Variants in DDX46 observed in about 807,000 individuals in gnomAD.
DDX46 encodes the protein DEAD-box helicase 46.
DDX46 carries 30 observed loss-of-function variants against 134.9 expected under a neutral mutation model. The ratio of observed to expected loss-of-function variants is 0.22; its 90% CI spans 0.17 to 0.30. DDX46 has a LOEUF of 0.30. Ranked by LOEUF, DDX46 falls within the 10% of genes least tolerant of loss-of-function variation. The probability of loss-of-function intolerance (pLI) is 1.00; values close to 1 mark genes in which losing one functional copy is unlikely to be tolerated. For missense variants in DDX46, 622 were observed against 1,248.7 expected, an observed-to-expected ratio of 0.50 and a Z score of 7.56; for synonymous variants, 415 against 404.1, an observed-to-expected ratio of 1.03 and a Z score of -0.32.
At chr5:134,773,459 T>C (rs1753836386) in intron 4 of DDX46, among the ~76,000 whole-genome samples, 1 of 152,216 alleles carries the variant, frequency 6.6e-6, no homozygotes, top group African/African-American at 2.4e-5. Flanking sequence ...TTGAAATCTA[T>C]CTTTTGGCTT....
Position 134,803,694 on chromosome 5 carries a change from C to G in DDX46, c.1955-4054C>G, listed in dbSNP as rs559847294. Among the ~76,000 whole-genome samples the G allele has an allele frequency of 9.2e-5, 14 of 152,196 alleles. No homozygotes were observed. In the South Asian group the frequency reaches 2.9e-3, roughly 32 times the overall value. Reference sequence around the variant, plus strand: ...GCTCTCTGGTGTCTTTACGTAGTTGCTCTTTATTTTGCCCAGAGTTCATGG... The same window carrying G: ...GCTCTCTGGTGTCTTTACGTAGTTGGTCTTTATTTTGCCCAGAGTTCATGG... On this transcript the variant is annotated intron_variant, in intron 15 of 22. Coordinates refer to ENST00000452510, the MANE Select transcript of DDX46 (RefSeq NM_001300860.2).
intron 13 of DDX46, 40 bp downstream of exon 13, chr5:134,790,592 T>C (rs760067551): frequency 5.8e-6 from 9 of 1,544,064 alleles, no homozygotes; most frequent in Non-Finnish European, 8.0e-6. Context: ...AATGTAAATA[T>C]AACTTTGTAG....
intron 18 of DDX46, among the ~76,000 whole-genome samples, chr5:134,812,764 A>G (rs922234023): frequency 6.6e-6 from 1 of 151,992 alleles, no homozygotes; most frequent in Non-Finnish European, 1.5e-5. Context: ...CAGCCTCCCT[A>G]GTAGCTGGGA....
At chr5:134,789,239 G>A (rs1421953668) in intron 12 of DDX46, 2 of 152,032 alleles carry the variant, frequency 1.3e-5, no homozygotes, top group African/African-American at 4.8e-5. Flanking sequence ...TATAGAACTG[G>A]GCTTCCGAGA....
At chr5:134,806,815 C>A (rs1755002008) in intron 15 of DDX46, among the ~76,000 whole-genome samples, 1 of 152,124 alleles carries the variant, frequency 6.6e-6, no homozygotes, top group Admixed American at 6.5e-5. Context: ...TTCCTGGGAA[C>A]CTCATCATAA....
intron 15 of DDX46, among the ~76,000 whole-genome samples, chr5:134,796,916 C>T (rs1220069630): frequency 6.6e-6 from 1 of 150,482 alleles, no homozygotes; most frequent in African/African-American, 2.4e-5. Flanking sequence ...CTTTGAGAGG[C>T]TGAGGCGGGC....
chr5:134,821,745 T>G (rs1312963348), intron 21 of DDX46, among the ~76,000 whole-genome samples: 1 of 150,126 alleles, frequency 6.7e-6, no homozygotes, highest in Admixed American at 6.6e-5. Flanking sequence ...TTAGTAGACA[T>G]GGGGTTTCAC....
chr5:134,783,146 C>T (rs1754208015), intron 9 of DDX46, 81 bp downstream of exon 9: 1 of 1,492,522 alleles, frequency 6.7e-7, no homozygotes, highest in Non-Finnish European at 9.0e-7. Flanking sequence ...CCCTGAGTTA[C>T]ATTTTTACTC....
intron 15 of DDX46, chr5:134,797,195 A>C (rs1411556651): frequency 1.0e-5 from 3 of 287,438 alleles, no homozygotes; most frequent in Non-Finnish European, 2.0e-5. Flanking sequence ...AAAAAAAAAA[A>C]AACACAAAAC....
At chr5:134,813,813 C>T (rs1412147648) in intron 18 of DDX46, among the ~76,000 whole-genome samples, 3 of 150,962 alleles carry the variant, frequency 2.0e-5, no homozygotes, top group Non-Finnish European at 3.0e-5. Flanking sequence ...TTTTTAGAGT[C>T]GAGGTCTCAC....
In DDX46 at chr5:134,777,740, A is replaced by C; in HGVS notation, c.765+15A>C. On this transcript the variant is annotated intron_variant, in intron 6 of 22. Coordinates refer to ENST00000452510, the MANE Select transcript of DDX46 (RefSeq NM_001300860.2). ...GAAATGAAAAGGTATGGAATTTCTT[A>C]TTTTTAAAGATTTCCGTTTCCTCTT... 1 of 1,587,912 alleles carries C rather than the reference A, an allele frequency of 6.3e-7. No homozygotes were observed. The highest frequency in any genetic ancestry group is 8.5e-7 in the Non-Finnish European group (1 of 1,171,292).
chr5:134,822,034 T>C lies in DDX46; in HGVS notation c.2977+3030T>C, dbSNP rs963433510. Among the ~76,000 whole-genome samples the C allele has an allele frequency of 4.6e-5, 7 of 151,544 alleles. 1 individual carries two copies. The highest frequency in any genetic ancestry group is 1.7e-4 in the African/African-American group (7 of 41,244). On this transcript the variant is annotated intron_variant, in intron 21 of 22. Coordinates refer to ENST00000452510, the MANE Select transcript of DDX46 (RefSeq NM_001300860.2). Reference sequence around the variant, plus strand: ...CCTCCCTAGTAGCTGGGATTACAGATGCATGCCTGGCTAATTTTATTTTTA... The same window carrying C: ...CCTCCCTAGTAGCTGGGATTACAGACGCATGCCTGGCTAATTTTATTTTTA...
intron 3 of DDX46, among the ~76,000 whole-genome samples, chr5:134,768,064 A>G (rs577849436): frequency 1.3e-5 from 2 of 152,138 alleles, no homozygotes; most frequent in South Asian, 4.2e-4. Context: ...ATCCATACAC[A>G]TGGTAATTTG....
chr5:134,785,431 G>T, intron 10 of DDX46, 34 bp from the exon 11 acceptor site: 1 of 1,598,568 alleles, frequency 6.3e-7, no homozygotes, highest in South Asian at 1.1e-5. Context: ...TAAGAATTTT[G>T]GTGGTTAGGC....
At position 134,784,594 on chromosome 5, in the gene DDX46, A is replaced by C; in HGVS notation, c.1342+53A>C. ...TCAAATAACAGCTTTGTTGTCAAAC[A>C]GAAAGACCTTATAGTTTATAATGTT... On this transcript the variant is annotated intron_variant, in intron 10 of 22. Coordinates refer to ENST00000452510, the MANE Select transcript of DDX46 (RefSeq NM_001300860.2). 3 of 1,515,230 alleles carry C rather than the reference A, an allele frequency of 2.0e-6. No individual in the cohort carries two copies. The Admixed American group carries it at 6.3e-5, about 32-fold the overall frequency. The allele number at this position is 1,515,230 out of a possible 1,614,324, so 93.9% of individuals were successfully genotyped here.
At position 134,777,679 on chromosome 5, in the gene DDX46, A is replaced by G; in HGVS notation, c.719A>G (p.Lys240Arg). 2 of 1,613,298 alleles carry G rather than the reference A, an allele frequency of 1.2e-6. No homozygotes were observed. Among genetic ancestry groups the G allele is most frequent in the Non-Finnish European group, 1.7e-6 (2 of 1,179,832 alleles). ...ATGGAAGAAGTGAAAGAGGAAGTAAAAAAATTTAACATGAGAAGTGTAAAA... is the reference window on the plus strand; with the variant it reads ...ATGGAAGAAGTGAAAGAGGAAGTAAGAAAATTTAACATGAGAAGTGTAAAA... ...AYMEEVKEEVKKFNMRSVKGG... is the reference protein window; with the variant it reads ...AYMEEVKEEVRKFNMRSVKGG... Residue 240 changes from lysine (K) to arginine (R), a missense_variant, in exon 6 of 23, where the codon AAA (lysine) becomes AGA (arginine). Lys to Arg is a conservative substitution (Grantham distance 26). This residue lies in a region of DDX46 where 244 missense variants were observed against 349.3 expected (regional missense o/e 0.70). Coordinates refer to ENST00000452510, the MANE Select transcript of DDX46 (RefSeq NM_001300860.2).
intron 20 of DDX46, 136 bp from the exon 21 acceptor site, chr5:134,818,722 AAT>A (rs1055449844): frequency 2.2e-4 from 112 of 499,340 alleles, no homozygotes; most frequent in Middle Eastern, 5.9e-4. Flanking sequence ...AAAAAAAAAG[AAT>A]ATATATATAT....
intron 15 of DDX46, among the ~76,000 whole-genome samples, 161 bp from the exon 16 acceptor site, chr5:134,807,587 C>T (rs1456109557): frequency 6.6e-6 from 1 of 152,154 alleles, no homozygotes; most frequent in African/African-American, 2.4e-5. Context: ...GAGTTAATAG[C>T]AATAACCTTT....
intron 12 of DDX46, 194 bp from the exon 13 acceptor site, chr5:134,790,275 GA>G: frequency 1.6e-6 from 1 of 633,358 alleles, no homozygotes; most frequent in East Asian, 2.9e-5. Flanking sequence ...CCCATTGTCA[GA>G]AAGTATTTGC....
Sources: allele counts gnomAD v4.1 joint callset (sites outside exome capture counted in the v4.1 genomes callset), GRCh38; gene constraint gnomAD v4.1.1; regional missense constraint gnomAD v4.1.1; transcripts MANE v1.5; gene names NCBI Gene and HGNC (gene_info 2026-07-23, HGNC 2026-07-21).